Variants in ZFHX3 observed in about 807,000 individuals in gnomAD.
ZFHX3 encodes the protein zinc finger homeobox protein 3.
ZFHX3 carries 42 observed loss-of-function variants against 279.1 expected under a neutral mutation model. That is an observed-to-expected ratio of 0.15 (90% CI 0.12 to 0.19). The LOEUF (loss-of-function observed/expected upper bound fraction) is 0.19. ZFHX3 is among the 10% of genes least tolerant of loss of function. The pLI is 1.00. For missense variants in ZFHX3, 4,981 were observed against 4,754.0 expected (o/e 1.05, Z -1.40); for synonymous variants, 2,293 against 1,957.8 (o/e 1.17, Z -4.52).
At chr16:73,349,365 T>G (rs2016181569) in intron 3 of ZFHX3, among the ~76,000 whole-genome samples, 3 of 152,204 alleles carry the variant, frequency 2.0e-5, no homozygotes, top group African/African-American at 4.8e-5. Flanking sequence ...TCTAACCAAG[T>G]GCACAGTCAG....
chr16:72,941,362 C>T (rs1301721550), intron 3 of ZFHX3, among the ~76,000 whole-genome samples: 4 of 152,132 alleles, frequency 2.6e-5, no homozygotes, highest in African/African-American at 9.7e-5. Context: ...TGGAAGAAAA[C>T]GGGTTTCACA....
intron 2 of ZFHX3, among the ~76,000 whole-genome samples, chr16:73,591,692 C>CAAAAAAAAAAAAAAAA (rs57402211): frequency 2.7e-4 from 9 of 33,440 alleles, no homozygotes; most frequent in Non-Finnish European, 3.9e-4. Context: ...GACTCTGTCT[C>CAAAAAAAAAAAAAAAA]AAAAAAAAAA....
At chr16:73,548,627 C>A (rs1377410441) in intron 2 of ZFHX3, among the ~76,000 whole-genome samples, 2 of 151,360 alleles carry the variant, frequency 1.3e-5, no homozygotes, top group Non-Finnish European at 2.9e-5. Context: ...TTTTAAAAAT[C>A]ATCTTTAAAC....
At chr16:73,790,945 A>T (rs184196919) in intron 1 of ZFHX3, among the ~76,000 whole-genome samples, 2 of 152,208 alleles carry the variant, frequency 1.3e-5, no homozygotes, top group East Asian at 1.9e-4. Flanking sequence ...TGTTGTGCTT[A>T]CCTTCCACTC....
chr16:73,842,327 G>A (rs1440907210), intron 1 of ZFHX3, among the ~76,000 whole-genome samples: 1 of 152,114 alleles, frequency 6.6e-6, no homozygotes, highest in African/African-American at 2.4e-5. Flanking sequence ...CTGAGAAAGG[G>A]TAGGTCTTAG....
In ZFHX3 at chr16:73,007,470, G is replaced by A. The variant is rs983212055; in HGVS notation, c.-50+40282C>T. On this transcript the variant is annotated intron_variant, in intron 1 of 9. Coordinates refer to ENST00000268489, the MANE Select transcript of ZFHX3 (RefSeq NM_006885.4). ...TTTTTTGTTTTTGTTTTTTTGAGAC[G>A]GAGTCTCACATTGTCGCCCAGGCTG... 5.3e-5 allele frequency among the ~76,000 whole-genome samples: 8 copies of A among 151,920 alleles called. No homozygotes were observed. In the East Asian group the frequency reaches 5.8e-4, roughly 11 times the overall value.
intron 7 of ZFHX3, among the ~76,000 whole-genome samples, chr16:73,102,541 C>T (rs139817421): frequency 1.4e-4 from 22 of 152,250 alleles, no homozygotes; most frequent in African/African-American, 3.6e-4. Context: ...TGACATGTAG[C>T]GATGTGTGTA....
chr16:72,925,622 T>A (rs79399322), intron 3 of ZFHX3, among the ~76,000 whole-genome samples: 1 of 152,232 alleles, frequency 6.6e-6, no homozygotes, highest in African/African-American at 2.4e-5. Context: ...CTTTCCCTTA[T>A]CTTGAGTTGC....
chr16:73,494,850 G>A (rs1167291950), intron 2 of ZFHX3, among the ~76,000 whole-genome samples: 1 of 152,098 alleles, frequency 6.6e-6, no homozygotes, highest in Non-Finnish European at 1.5e-5. Flanking sequence ...TTACAGGTGT[G>A]AGCCTCTGCG....
At chr16:73,684,343 T>C (rs2053056723) in intron 1 of ZFHX3, among the ~76,000 whole-genome samples, 2 of 151,918 alleles carry the variant, frequency 1.3e-5, no homozygotes, top group African/African-American at 4.8e-5. Flanking sequence ...TGTTTGTGTG[T>C]GTGTGTGTGT....
intron 5 of ZFHX3, among the ~76,000 whole-genome samples, chr16:73,226,930 G>A (rs184343833): frequency 3.7e-4 from 57 of 152,302 alleles, no homozygotes; most frequent in Admixed American, 3.3e-3. Context: ...GGGGCTATAG[G>A]ATAGTGAAGT....
intron 1 of ZFHX3, among the ~76,000 whole-genome samples, chr16:73,002,677 T>G (rs1963543504): frequency 6.6e-6 from 1 of 152,180 alleles, no homozygotes; most frequent in Non-Finnish European, 1.5e-5. Context: ...GTAAATATCA[T>G]AAATAATTAA....
chr16:73,034,742 C>T (rs968396637), intron 1 of ZFHX3, among the ~76,000 whole-genome samples: 3 of 152,218 alleles, frequency 2.0e-5, no homozygotes, highest in East Asian at 3.9e-4. Context: ...TGCCTTGCTG[C>T]CACTGCTGGT....
At chr16:73,610,377 C>T (rs1433996297) in intron 2 of ZFHX3, among the ~76,000 whole-genome samples, 2 of 152,154 alleles carry the variant, frequency 1.3e-5, no homozygotes, top group Admixed American at 1.3e-4. Flanking sequence ...TCTTCAAACA[C>T]ATATGAATGT....
intron 1 of ZFHX3, among the ~76,000 whole-genome samples, chr16:72,976,145 A>G (rs1253782742): frequency 6.6e-6 from 1 of 152,240 alleles, no homozygotes; most frequent in Non-Finnish European, 1.5e-5. Flanking sequence ...ATGTTAACAT[A>G]AAGAACTTCA....
intron 1 of ZFHX3, among the ~76,000 whole-genome samples, chr16:73,782,964 G>T (rs575921777): frequency 1.3e-5 from 2 of 152,118 alleles, no homozygotes; most frequent in African/African-American, 4.8e-5. Flanking sequence ...AAAACTTCAG[G>T]ATACATAATT....
chr16:72,957,218 A>C (rs754805861), intron 2 of ZFHX3, among the ~76,000 whole-genome samples: 2 of 152,254 alleles, frequency 1.3e-5, no homozygotes, highest in African/African-American at 4.8e-5. Context: ...GTACAAGCAT[A>C]TCTCTTTTGA....
chr16:73,473,606 G>A (rs752476688), intron 2 of ZFHX3, among the ~76,000 whole-genome samples: 1 of 152,118 alleles, frequency 6.6e-6, no homozygotes, highest in Non-Finnish European at 1.5e-5. Context: ...CGTGGAATTG[G>A]GTGGGTTCCT....
At chr16:73,817,445 G>A (rs1960605382) in intron 1 of ZFHX3, among the ~76,000 whole-genome samples, 2 of 152,164 alleles carry the variant, frequency 1.3e-5, no homozygotes, top group Non-Finnish European at 2.9e-5. Flanking sequence ...TACATAGTTG[G>A]CTATTATCAT....
Sources: gnomAD v4.1 joint callset for allele counts (sites outside exome capture counted in the v4.1 genomes callset) on GRCh38, gnomAD v4.1.1 for gene constraint, MANE v1.5 for transcripts, NCBI Gene and HGNC (gene_info 2026-07-23, HGNC 2026-07-21) for gene names.